ZNF75A: variants seen among roughly 807,000 people sequenced by gnomAD.
The protein encoded by ZNF75A is zinc finger protein 75A.
A neutral mutation model predicts 46.3 loss-of-function variants in ZNF75A; 36 were observed. That is an observed-to-expected ratio of 0.78 (90% confidence interval 0.60 to 1.03). The LOEUF (loss-of-function observed/expected upper bound fraction) is 1.03. Among genes scored for constraint, ZNF75A ranks in the 50% least tolerant of loss-of-function variants. The pLI is 0.00. For synonymous variants in ZNF75A, 234 were observed against 189.9 expected (o/e 1.23, Z -1.91); for missense variants, 595 against 551.3 (o/e 1.08, Z -0.79).
At chr16:3,313,789 A>C (rs548380390) in intron 5 of ZNF75A, among the ~76,000 whole-genome samples, 1 of 152,154 alleles carries the variant, frequency 6.6e-6, no homozygotes, top group East Asian at 1.9e-4. Context: ...TTACATTCAG[A>C]AAAAAAAGTC....
At chr16:3,313,559 A>T (rs74003366) in intron 5 of ZNF75A, among the ~76,000 whole-genome samples, 5,098 of 152,284 alleles carry the variant, frequency 0.033, 303 homozygotes, top group African/African-American at 0.12. Flanking sequence ...CTTTACTTTG[A>T]CATATCCTGA....
rs1960467073 is a variant in ZNF75A, at chr16:3,308,617, T to C, written c.189T>C (p.Arg63=). ...CCTATGATGAAGCAGGTGGACCCCG[T>C]GAGGCTGTCAGCAAACTTCAAGAAT... is the stretch of plus-strand genomic sequence containing the variant. The part of the protein sequence containing the change: ...NFTYDEAGGP[R]EAVSKLQELC... Residue 63 remains arginine, a synonymous_variant, in exon 2 of 7, where the codon CGT becomes CGC. Coordinates refer to ENST00000669516, the MANE Select transcript of ZNF75A (RefSeq NM_001302109.2). 1.0e-6 allele frequency: 1 copy of C among 986,294 alleles called. No individual in the cohort carries two copies. The allele number at this position is 986,294 out of a possible 1,614,324, so 61.1% of individuals were successfully genotyped here.
intron 3 of ZNF75A, chr16:3,312,243 C>T (rs1190266599): frequency 6.6e-6 from 1 of 152,170 alleles, no homozygotes; most frequent in Non-Finnish European, 1.5e-5. Flanking sequence ...GGCTTGGGGC[C>T]ACTTCATCCT....
At chr16:3,312,011 A>G in intron 3 of ZNF75A, 63 bp downstream of exon 3, 1 of 901,738 alleles carries the variant, frequency 1.1e-6, no homozygotes, top group Non-Finnish European at 1.3e-6. Context: ...TTCACCCAAA[A>G]TGTCATGGGC....
intron 2 of ZNF75A, 152 bp downstream of exon 2, chr16:3,308,988 G>T (rs1360269962): frequency 3.4e-6 from 1 of 293,668 alleles, no homozygotes; most frequent in Non-Finnish European, 5.1e-6. Context: ...TGAAACTACA[G>T]GCCCACAGAA....
downstream of ZNF75A, chr16:3,323,339 C>T (rs1480466143): frequency 3.9e-5 from 43 of 1,107,330 alleles, no homozygotes; most frequent in East Asian, 1.0e-3. Context: ...GGAAATGCTT[C>T]ACTGGGAGGC....
intron 5 of ZNF75A, among the ~76,000 whole-genome samples, chr16:3,315,329 C>T (rs148219593): frequency 0.016 from 2,480 of 151,800 alleles, 38 homozygotes; most frequent in Non-Finnish European, 0.025. Context: ...GTAGCTGAGA[C>T]TACAGGTGCC....
chr16:3,314,705 G>C, intron 5 of ZNF75A: 5 of 985,344 alleles, frequency 5.1e-6, no homozygotes, highest in Non-Finnish European at 6.0e-6. Context: ...GGCTGCTTCT[G>C]CAGTGGCAAG....
At position 3,313,153 on chromosome 16, in the gene ZNF75A, CTA is replaced by C. The variant is rs751429655; in HGVS notation, c.803_804del (p.Tyr268Ter). The C allele has an allele frequency of 1.2e-6, 2 of 1,614,050 alleles. No individual in the cohort carries two copies. Among genetic ancestry groups the C allele is most frequent in the Non-Finnish European group, 1.7e-6 (2 of 1,179,970 alleles). On this transcript the variant is annotated frameshift_variant, in exon 5 of 7. Coordinates refer to ENST00000669516, the MANE Select transcript of ZNF75A (RefSeq NM_001302109.2). LOFTEE classifies it high-confidence loss of function. ...ALYNDVMQEN[Y>X]ETVISLALFV... is the part of the protein sequence containing the mutation. The stretch of plus-strand genomic sequence containing the variant: ...TCTACAATGATGTAATGCAGGAAAA[CTA>C]TGAGACTGTCATCTCTCTAGGTAAA...
chr16:3,315,186 A>ATTTT (rs746524708), intron 5 of ZNF75A: 24 of 409,606 alleles, frequency 5.9e-5, no homozygotes, highest in Non-Finnish European at 6.7e-5. Context: ...AAGTACTGTC[A>ATTTT]TGTTTTTTTT....
intron 5 of ZNF75A, among the ~76,000 whole-genome samples, chr16:3,315,369 A>AT (rs981823416): frequency 1.1e-4 from 17 of 151,036 alleles, no homozygotes; most frequent in South Asian, 4.2e-4. Flanking sequence ...TTTTTTTTGT[A>AT]TTTTTTTAGT....
chr16:3,321,543 A>G (rs996331050), downstream of ZNF75A, among the ~76,000 whole-genome samples: 2 of 152,080 alleles, frequency 1.3e-5, no homozygotes, highest in African/African-American at 2.4e-5. Context: ...GGGGCTCACC[A>G]CAGCCTCGAT....
downstream of ZNF75A, among the ~76,000 whole-genome samples, chr16:3,321,353 G>T (rs533826652): frequency 2.6e-5 from 4 of 152,170 alleles, no homozygotes; most frequent in African/African-American, 9.7e-5. Context: ...TTATTTCAGA[G>T]AACTGTATCA....
Position 3,313,163 on chromosome 16 carries a change from G to A in ZNF75A, c.811G>A (p.Val271Ile), listed in dbSNP as rs1960939090. Reference sequence around the variant, plus strand: ...TGTAATGCAGGAAAACTATGAGACTGTCATCTCTCTAGGTAAAGATTTTCC... The same window carrying A: ...TGTAATGCAGGAAAACTATGAGACTATCATCTCTCTAGGTAAAGATTTTCC... ...NDVMQENYET[V>I]ISLALFVLPK... The change falls in exon 5 of 7, where the codon GTC becomes ATC. Residue 271 changes from valine to isoleucine, a missense_variant. Coordinates refer to ENST00000669516, the MANE Select transcript of ZNF75A (RefSeq NM_001302109.2). The A allele has an allele frequency of 1.2e-6, 2 of 1,613,894 alleles. No homozygotes were observed. The highest frequency in any genetic ancestry group is 1.1e-5 in the South Asian group (1 of 91,038).
chr16:3,322,699 G>C (rs2029989449), downstream of ZNF75A, among the ~76,000 whole-genome samples: 3 of 152,114 alleles, frequency 2.0e-5, no homozygotes, highest in Admixed American at 2.0e-4. Context: ...CCTTTTAGGA[G>C]AAACTAAGAA....
chr16:3,321,531 C>G (rs755094669), downstream of ZNF75A, among the ~76,000 whole-genome samples: 3 of 152,332 alleles, frequency 2.0e-5, no homozygotes, highest in Non-Finnish European at 4.4e-5. Context: ...GTTGCCCAGG[C>G]TGGGGCTCAC....
At chr16:3,321,955 G>A (rs535056006), downstream of ZNF75A, among the ~76,000 whole-genome samples, 1 of 152,180 alleles carries the variant, frequency 6.6e-6, no homozygotes, top group Non-Finnish European at 1.5e-5. Flanking sequence ...GGTAACAAAA[G>A]ATGGGAGTTC....
Position 3,313,163 on chromosome 16 carries a change from G to T in ZNF75A, c.811G>T (p.Val271Phe). The T allele has an allele frequency of 1.2e-6, 2 of 1,613,894 alleles. No individual in the cohort carries two copies. The highest frequency in any genetic ancestry group is 1.7e-6 in the Non-Finnish European group (2 of 1,179,904). Residue 271 changes from valine (V) to phenylalanine (F), a missense_variant, in exon 5 of 7, where the codon GTC becomes TTC. Coordinates refer to ENST00000669516, the MANE Select transcript of ZNF75A (RefSeq NM_001302109.2). Reference sequence around the variant, plus strand: ...TGTAATGCAGGAAAACTATGAGACTGTCATCTCTCTAGGTAAAGATTTTCC... The same window carrying T: ...TGTAATGCAGGAAAACTATGAGACTTTCATCTCTCTAGGTAAAGATTTTCC... ...NDVMQENYET[V>F]ISLALFVLPK...
chr16:3,320,818 G>T (rs1404968566), downstream of ZNF75A, among the ~76,000 whole-genome samples: 1 of 152,174 alleles, frequency 6.6e-6, no homozygotes, highest in African/African-American at 2.4e-5. Flanking sequence ...GAAAACAGAT[G>T]AGATATAGGG....
Sources: allele counts gnomAD v4.1 joint callset (sites outside exome capture counted in the v4.1 genomes callset), GRCh38; gene constraint gnomAD v4.1.1; transcripts MANE v1.5; gene names NCBI Gene and HGNC (gene_info 2026-07-23, HGNC 2026-07-21).